The following ZZEF1 variants were observed in gnomAD, a reference collection of about 807,000 sequenced individuals.
The protein encoded by ZZEF1 is zinc finger ZZ-type and EF-hand domain containing 1.
ZZEF1 carries 157 observed loss-of-function variants against 342.8 expected under a neutral mutation model. The ratio of observed to expected loss-of-function variants is 0.46; its 90% CI spans 0.40 to 0.52. The LOEUF is 0.52. Ranked by LOEUF, ZZEF1 falls within the 20% of genes least tolerant of loss-of-function variation. The pLI, the probability that ZZEF1 is intolerant of heterozygous loss-of-function variation, is 0.00. For missense variants in ZZEF1, 3,480 were observed against 3,725.6 expected (o/e 0.93, Z 1.72); for synonymous variants, 1,505 against 1,429.1 (o/e 1.05, Z -1.20).
At chr17:4,118,223 G>C (rs1355731082) in intron 2 of ZZEF1, among the ~76,000 whole-genome samples, 1 of 152,160 alleles carries the variant, frequency 6.6e-6, no homozygotes, top group Admixed American at 6.6e-5. Flanking sequence ...TTCATTCGAT[G>C]ATGGAATGCT....
chr17:4,059,389 A>G, intron 30 of ZZEF1, 99 bp from the exon 31 acceptor site: 1 of 1,446,762 alleles, frequency 6.9e-7, no homozygotes, highest in Non-Finnish European at 9.3e-7. Context: ...AGTGGCAGTC[A>G]GCTGAGCAAA....
At chr17:4,074,061 T>G in intron 24 of ZZEF1, 89 bp downstream of exon 24, 1 of 1,434,144 alleles carries the variant, frequency 7.0e-7, no homozygotes, top group Non-Finnish European at 9.6e-7. Context: ...CCCCCTGCCA[T>G]TACGTGGAAA....
At chr17:4,013,982 A>C (rs993250867) in intron 51 of ZZEF1, 108 bp downstream of exon 51, 15 of 1,066,596 alleles carry the variant, frequency 1.4e-5, no homozygotes, top group Non-Finnish European at 2.1e-5. Context: ...AGTGTGAGAG[A>C]CAAGTACCTG....
intron 16 of ZZEF1, among the ~76,000 whole-genome samples, chr17:4,083,670 C>T (rs1246730008): frequency 6.9e-6 from 1 of 144,598 alleles, no homozygotes; most frequent in Non-Finnish European, 1.5e-5. Flanking sequence ...CGGAATCTCG[C>T]TCTGTTGCCC....
intron 8 of ZZEF1, among the ~76,000 whole-genome samples, chr17:4,103,285 T>C (rs1034487694): frequency 3.3e-5 from 5 of 151,916 alleles, no homozygotes; most frequent in Admixed American, 2.6e-4. Context: ...CTCATGCCTG[T>C]AAATTCCAGC....
intron 54 of ZZEF1, among the ~76,000 whole-genome samples, chr17:4,007,657 T>C (rs1401389615): frequency 1.3e-5 from 2 of 151,824 alleles, no homozygotes; most frequent in Non-Finnish European, 2.9e-5. Context: ...AAACCTGGGG[T>C]GGCGGCGGCA....
chr17:4,086,758 C>T (rs1005027239), intron 14 of ZZEF1, 103 bp from the exon 15 acceptor site: 19 of 1,163,980 alleles, frequency 1.6e-5, no homozygotes, highest in East Asian at 2.4e-5. Context: ...GCATCAGGCT[C>T]GATGAAAATA....
At chr17:4,009,336 A>G in intron 53 of ZZEF1, 1 of 583,212 alleles carries the variant, frequency 1.7e-6, no homozygotes, top group South Asian at 2.0e-5. Context: ...TTATTTTCCA[A>G]AACTCACTGT....
intron 9 of ZZEF1, among the ~76,000 whole-genome samples, chr17:4,098,212 G>T (rs570612823): frequency 6.9e-6 from 1 of 145,984 alleles, no homozygotes; most frequent in Non-Finnish European, 1.5e-5. Flanking sequence ...CACTCCAGCC[G>T]GCCTGGGTGA....
At chr17:4,061,745 C>A (rs2057291274) in intron 30 of ZZEF1, among the ~76,000 whole-genome samples, 1 of 152,120 alleles carries the variant, frequency 6.6e-6, no homozygotes, top group Non-Finnish European at 1.5e-5. Context: ...TCCATCTTAT[C>A]CAACCGTAAG....
At position 4,075,083 on chromosome 17, in the gene ZZEF1, G is replaced by T; in HGVS notation, c.3483+14C>A. On this transcript the variant is annotated intron_variant, in intron 23 of 54. Transcript: ENST00000381638. ...GTGCAGAAGTAGGTACCTCTTTCTG[G>T]GACTATCACTCACCTTGGGCCATTT... 1 of 1,613,794 alleles carries T rather than the reference G, an allele frequency of 6.2e-7. No individual in the cohort carries two copies.
intron 21 of ZZEF1, 68 bp downstream of exon 21, chr17:4,076,569 C>G (rs757921052): frequency 4.5e-6 from 7 of 1,559,398 alleles, no homozygotes; most frequent in Non-Finnish European, 3.5e-6. Flanking sequence ...CCGTGGTCCA[C>G]TTCACTAAGT....
chr17:4,027,899 C>T (rs1489392393), intron 42 of ZZEF1, among the ~76,000 whole-genome samples: 3 of 152,124 alleles, frequency 2.0e-5, no homozygotes, highest in African/African-American at 7.2e-5. Context: ...AGGTTGATCT[C>T]AAACTCCTAT....
chr17:4,096,545 T>G (rs2058036698), intron 10 of ZZEF1, 64 bp downstream of exon 10: 2 of 1,355,620 alleles, frequency 1.5e-6, no homozygotes, highest in South Asian at 1.2e-5. Flanking sequence ...ATACCTACTA[T>G]GTACCCATAA....
rs762039566 is a variant in ZZEF1, at chr17:4,112,585, T to A, written c.1066+24A>T. The A allele has an allele frequency of 2.1e-5, 34 of 1,612,928 alleles. 2 individuals carry two copies. The South Asian group carries it at 3.7e-4, about 18-fold the overall frequency. On this transcript the variant is annotated intron_variant, in intron 5 of 54. Transcript: ENST00000381638. The stretch of plus-strand genomic sequence containing the variant: ...AATACTACTCCCTTGCTTTTCCCTA[T>A]CCCCTCAGTTCTGTTGGACTTACAG...
Position 4,016,311 on chromosome 17 carries a change from C to T in ZZEF1, c.8145+12G>A. The stretch of plus-strand genomic sequence containing the variant: ...CAGTCGCTCTTATGGGGCCTGCCGG[C>T]CCCAGGCTTACCTCGAAGTTGGTGT... On this transcript the variant is annotated intron_variant, in intron 49 of 54. Coordinates refer to ENST00000381638, the MANE Select transcript of ZZEF1 (RefSeq NM_015113.4). The surrounding 1 kb of genome is among the most constrained non-coding windows in gnomAD (Gnocchi z 4.4). 6.2e-7 allele frequency: 1 copy of T among 1,610,962 alleles called. No homozygotes were observed. Among genetic ancestry groups the T allele is most frequent in the Non-Finnish European group, 8.5e-7 (1 of 1,178,862 alleles).
At chr17:4,121,125 T>C (rs773178952) in intron 2 of ZZEF1, among the ~76,000 whole-genome samples, 1 of 152,248 alleles carries the variant, frequency 6.6e-6, no homozygotes, top group Non-Finnish European at 1.5e-5. Flanking sequence ...TGGACCCTGA[T>C]GCTTTCTCAA....
At chr17:4,081,604 G>A (rs2057725553) in intron 17 of ZZEF1, 114 bp from the exon 18 acceptor site, 1 of 877,388 alleles carries the variant, frequency 1.1e-6, no homozygotes, top group Non-Finnish European at 1.7e-6. Flanking sequence ...TCCATGGGAT[G>A]GGAGGAGTTT....
chr17:4,090,354 C>G (rs1463139312), intron 12 of ZZEF1, among the ~76,000 whole-genome samples: 4 of 135,276 alleles, frequency 3.0e-5, no homozygotes, highest in South Asian at 2.6e-4. Flanking sequence ...CTCCTCCACA[C>G]ACTGTAGCCT....
Sources: gnomAD v4.1 joint callset for allele counts (sites outside exome capture counted in the v4.1 genomes callset) on GRCh38, gnomAD v4.1.1 for gene constraint, Gnocchi (gnomAD v3.1) non-coding constraint, MANE v1.5 for transcripts, NCBI Gene and HGNC (gene_info 2026-07-23, HGNC 2026-07-21) for gene names.